Variants in MGAM2 observed in about 807,000 individuals in gnomAD.
MGAM2 encodes maltase-glucoamylase 2 (putative).
A neutral mutation model predicts 96.1 loss-of-function variants in MGAM2; 98 were observed. That is an observed-to-expected ratio of 1.02 (90% CI 0.87 to 1.21). The LOEUF (loss-of-function observed/expected upper bound fraction) is 1.21. Among genes scored for constraint, MGAM2 ranks in the 50% most tolerant of loss-of-function variants. The pLI, the probability that MGAM2 is intolerant of heterozygous loss-of-function variation, is 0.00. For synonymous variants in MGAM2, 749 were observed against 414.8 expected (o/e 1.81, Z -9.79); for missense variants, 2,055 against 1,182.4 (o/e 1.74, Z -10.82).
intron 46 of MGAM2, among the ~76,000 whole-genome samples, chr7:142,213,439 GA>G (rs1177302608): frequency 6.6e-6 from 1 of 151,830 alleles, no homozygotes; most frequent in African/African-American, 2.4e-5. Context: ...GACTAATAAA[GA>G]AAAAAAGAGA....
intron 2 of MGAM2, among the ~76,000 whole-genome samples, chr7:142,117,402 A>G (rs1383066164): frequency 1.3e-5 from 2 of 152,206 alleles, no homozygotes; most frequent in Admixed American, 1.3e-4. Context: ...ATACATAGCT[A>G]TAGTTTCTTC....
At chr7:142,191,870 T>C (rs1248498232) in intron 37 of MGAM2, among the ~76,000 whole-genome samples, 29 of 152,190 alleles carry the variant, frequency 1.9e-4, no homozygotes, top group Admixed American at 1.9e-3. Flanking sequence ...TTTCCACTTA[T>C]TTAGATCTTT....
At chr7:142,194,688 ATGTGTGTATGTGTG>A (rs943713508) in intron 37 of MGAM2, among the ~76,000 whole-genome samples, 7 of 112,238 alleles carry the variant, frequency 6.2e-5, no homozygotes, top group Admixed American at 2.5e-4. Flanking sequence ...TTAATAGAAC[ATGTGTGTATGTGTG>A]TGTGTGTGTG....
intron 37 of MGAM2, 105 bp downstream of exon 37, chr7:142,189,610 G>T (rs902622252): frequency 6.1e-6 from 3 of 490,974 alleles, no homozygotes; most frequent in Non-Finnish European, 1.1e-5. Flanking sequence ...AGTTAAATGG[G>T]TTAAAGTCAA....
chr7:142,212,964 C>G (rs772039095), intron 46 of MGAM2, among the ~76,000 whole-genome samples: 18 of 152,080 alleles, frequency 1.2e-4, no homozygotes, highest in Non-Finnish European at 2.4e-4. Context: ...TGAAAAAGAA[C>G]AGAAATCATA....
rs1191979251 is a variant in MGAM2 at position 142,170,174 on chromosome 7, A to T, written c.3127A>T (p.Ile1043Phe). The T allele has an allele frequency of 2.8e-6, 2 of 702,692 alleles. No individual in the cohort carries two copies. Among genetic ancestry groups the T allele is most frequent in the African/African-American group, 3.5e-5 (2 of 57,256 alleles). 43.5% of individuals were successfully genotyped at this position (702,692 alleles called of 1,614,324 possible). Residue 1043 changes from isoleucine to phenylalanine, a missense_variant, in exon 27 of 48, where the codon ATT (isoleucine) becomes TTT (phenylalanine). Ile to Phe is a conservative substitution (Grantham distance 21). Coordinates refer to ENST00000477922, the MANE Select transcript of MGAM2 (RefSeq NM_001293626.2). ...TGAAAACCGTCTGTATGATGTCAGGATTCAGAACAATCCTTTTGGAATCCA... is the reference window on the plus strand; with the variant it reads ...TGAAAACCGTCTGTATGATGTCAGGTTTCAGAACAATCCTTTTGGAATCCA... ...DPENRLYDVR[I>F]QNNPFGIQIQ...
intron 32 of MGAM2, among the ~76,000 whole-genome samples, chr7:142,180,748 A>C (rs935787750): frequency 6.6e-6 from 1 of 152,112 alleles, no homozygotes; most frequent in African/African-American, 2.4e-5. Flanking sequence ...AATTATTTTT[A>C]AAAAATTTTT....
chr7:142,153,984 C>A, intron 15 of MGAM2, 34 bp from the exon 16 acceptor site: 1 of 558,922 alleles, frequency 1.8e-6, no homozygotes, highest in Admixed American at 2.4e-5. Context: ...ATTCACAGCC[C>A]ACCTCACACT....
Position 142,142,593 on chromosome 7 carries a change from C to T in MGAM2, c.1318-1176C>T, listed in dbSNP as rs150631897. Among the ~76,000 whole-genome samples the T allele has an allele frequency of 3.9e-3, 552 of 140,620 alleles. 4 individuals are homozygous for T. The highest frequency in any genetic ancestry group is 0.013 in the African/African-American group (473 of 37,752). The allele number at this position is 140,620 out of a possible 152,430, so 92.3% of individuals were successfully genotyped here. ...TTGCCCAGGCTAGAGTGCAGTGGCA[C>T]GATCTCAGCTCACTGCAACGATCTC... On this transcript the variant is annotated intron_variant, in intron 12 of 47. Transcript: ENST00000477922.
rs71166564 is a variant in MGAM2 at position 142,129,825 on chromosome 7, C to CAAAAAAAAAAAAAAAAAAAA, written c.187-1102_187-1083dup. The stretch of plus-strand genomic sequence containing the variant: ...GGGCAACAAGAACAAAACTCTGTCT[C>CAAAAAAAAAAAAAAAAAAAA]AAAAAAAAAAAAAAAAAAAAAAAAA... On this transcript the variant is annotated intron_variant, in intron 3 of 47. Transcript: ENST00000477922. 3.0e-4 allele frequency among the ~76,000 whole-genome samples: 10 copies of CAAAAAAAAAAAAAAAAAAAA among 33,416 alleles called. 3 individuals carry two copies. The highest frequency in any genetic ancestry group is 3.3e-4 in the Admixed American group (1 of 3,042). The allele number at this position is 33,416 out of a possible 152,430, so 21.9% of individuals were successfully genotyped here. A position where few individuals can be genotyped will look rare whatever the true frequency, so the allele number is the denominator to read the frequency against.
intron 15 of MGAM2, among the ~76,000 whole-genome samples, chr7:142,149,602 G>C (rs1236515872): frequency 6.6e-6 from 1 of 151,730 alleles, no homozygotes; most frequent in Non-Finnish European, 1.5e-5. Context: ...GTGCAGTGGT[G>C]CGATCTCGGC....
chr7:142,203,136 C>T (rs985572164), intron 45 of MGAM2, among the ~76,000 whole-genome samples: 2 of 151,910 alleles, frequency 1.3e-5, no homozygotes, highest in Admixed American at 1.3e-4. Flanking sequence ...GGTTATTTGA[C>T]TTTTGCTTCT....
chr7:142,138,475 A>C (rs1795124368), intron 9 of MGAM2, 67 bp from the exon 10 acceptor site: 1 of 664,748 alleles, frequency 1.5e-6, no homozygotes, highest in African/African-American at 1.8e-5. Context: ...CAGCTCTGGG[A>C]ACTTCACAGA....
Position 142,170,217 on chromosome 7 carries a change from C to T in MGAM2, c.3170C>T (p.Ser1057Phe). ...PFGIQIQRKN[S>F]STVIWDSQLP... is the part of the protein sequence containing the mutation. ...GGAATCCAGATTCAACGCAAAAACT[C>T]CAGCACTGTGATGTAAGCACTATTT... Residue 1057 changes from serine to phenylalanine, a missense_variant, in exon 27 of 48, where the codon TCC becomes TTC. Physicochemically the swap from Ser to Phe is radical, Grantham distance 155. Coordinates refer to ENST00000477922, the MANE Select transcript of MGAM2 (RefSeq NM_001293626.2). 1 of 702,556 alleles carries T rather than the reference C, an allele frequency of 1.4e-6. No homozygotes were observed. The allele number at this position is 702,556 out of a possible 1,614,324, so 43.5% of individuals were successfully genotyped here. A position where few individuals can be genotyped will look rare whatever the true frequency, so the allele number is the denominator to read the frequency against.
At chr7:142,215,758 C>CAAAA (rs561282810) in intron 46 of MGAM2, among the ~76,000 whole-genome samples, 1 of 104,082 alleles carries the variant, frequency 9.6e-6, no homozygotes, top group Admixed American at 9.9e-5. Context: ...AACTCTGTCT[C>CAAAA]AAAAAAAAAA....
chr7:142,139,528 G>A (rs148762711), intron 10 of MGAM2, among the ~76,000 whole-genome samples: 6 of 152,070 alleles, frequency 3.9e-5, no homozygotes, highest in African/African-American at 1.4e-4. Flanking sequence ...AGGTGTGGTG[G>A]CACATGCCTG....
intron 2 of MGAM2, among the ~76,000 whole-genome samples, chr7:142,119,663 C>T (rs138248382): frequency 1.4e-4 from 21 of 152,108 alleles, no homozygotes; most frequent in Non-Finnish European, 2.1e-4. Context: ...GTACATGAAC[C>T]GATGAATAGA....
chr7:142,126,779 C>T (rs1038358478), intron 3 of MGAM2, among the ~76,000 whole-genome samples: 2 of 152,120 alleles, frequency 1.3e-5, no homozygotes, highest in Middle Eastern at 3.4e-3. Flanking sequence ...TTTCCTTGAT[C>T]TTTCCAAAGA....
rs1006534591 is a variant in MGAM2 at position 142,221,514 on chromosome 7, C to T, written c.7003C>T (p.Pro2335Ser). The change falls in exon 48 of 48, where the codon CCT (proline) becomes TCT (serine). Residue 2335 changes from proline (P) to serine (S), a missense_variant. By Grantham distance (74) the Pro-to-Ser change is moderately conservative. Coordinates refer to ENST00000477922, the MANE Select transcript of MGAM2 (RefSeq NM_001293626.2). ...TTDKITNFTT[P>S]TNANTIIFNT... ...TGATAAAATTACTAATTTTACTACC[C>T]CTACAAATGCAAACACCATTATTTT... 8 of 542,948 alleles carry T rather than the reference C, an allele frequency of 1.5e-5. No homozygotes were observed. The highest frequency in any genetic ancestry group is 1.9e-5 in the Non-Finnish European group (6 of 309,722). The allele number at this position is 542,948 out of a possible 1,614,324, so 33.6% of individuals were successfully genotyped here. A position where few individuals can be genotyped will look rare whatever the true frequency, so the allele number is the denominator to read the frequency against.
Sources: gnomAD v4.1 joint callset for allele counts (sites outside exome capture counted in the v4.1 genomes callset) on GRCh38, gnomAD v4.1.1 for gene constraint, MANE v1.5 for transcripts, NCBI Gene and HGNC (gene_info 2026-07-23, HGNC 2026-07-21) for gene names.